The following SEC13 variants were observed in gnomAD, a reference collection of about 807,000 sequenced individuals.
SEC13 encodes the protein protein SEC13 homolog.
In SEC13, 25 loss-of-function variants were observed where a neutral mutation model predicts 49.2. That is an observed-to-expected ratio of 0.51 (90% confidence interval 0.37 to 0.71). The LOEUF is 0.71. Among genes scored for constraint, SEC13 ranks in the 30% least tolerant of loss-of-function variants. The pLI is 0.00. For synonymous variants in SEC13, 148 were observed against 163.9 expected (o/e 0.90, Z 0.74); for missense variants, 383 against 417.6 (o/e 0.92, Z 0.72).
intron 5 of SEC13, chr3:10,311,543 G>T: frequency 1.5e-6 from 1 of 655,590 alleles, no homozygotes; most frequent in Non-Finnish European, 1.9e-6. Flanking sequence ...GTCACTCGCT[G>T]ATTCACCAAA....
chr3:10,318,910 G>A (rs886303396), intron 1 of SEC13, among the ~76,000 whole-genome samples: 4 of 152,226 alleles, frequency 2.6e-5, no homozygotes, highest in African/African-American at 9.6e-5. Context: ...CCCACTAGAA[G>A]GTGAGCTCCT....
At chr3:10,306,860 C>G (rs1282518072) in intron 5 of SEC13, among the ~76,000 whole-genome samples, 2 of 152,184 alleles carry the variant, frequency 1.3e-5, no homozygotes, top group East Asian at 3.8e-4. Flanking sequence ...GTTTCCCCAG[C>G]TACGTGGAAC....
At chr3:10,316,791 C>T (rs1046377381) in intron 2 of SEC13, among the ~76,000 whole-genome samples, 6 of 152,214 alleles carry the variant, frequency 3.9e-5, no homozygotes, top group Non-Finnish European at 8.8e-5. Flanking sequence ...CACCTGAGGT[C>T]GGGAGTTCGA....
At chr3:10,305,218 A>C (rs531637038) in intron 6 of SEC13, 62 bp from the exon 7 acceptor site, 1 of 1,540,532 alleles carries the variant, frequency 6.5e-7, no homozygotes, top group Admixed American at 2.0e-5. Flanking sequence ...ACTCCTCCCC[A>C]ACCCAACAGG....
At chr3:10,311,932 T>G in intron 5 of SEC13, 33 bp downstream of exon 5, 3 of 1,614,062 alleles carry the variant, frequency 1.9e-6, no homozygotes, top group Non-Finnish European at 2.5e-6. Context: ...AGGCAGGCGC[T>G]CTCACTGCAC....
chr3:10,320,698 A>G, intron 1 of SEC13: 1 of 1,147,874 alleles, frequency 8.7e-7, no homozygotes, highest in Non-Finnish European at 1.1e-6. Context: ...CACCTTCTTC[A>G]CAAGGCTGTT....
Position 10,301,098 on chromosome 3 carries a change from C to G in SEC13, c.*163G>C. On this transcript the variant is annotated 3_prime_UTR_variant, in exon 9 of 9. Coordinates refer to ENST00000350697, the MANE Select transcript of SEC13 (RefSeq NM_183352.3). ...TGGACAGTAGATTACAAAGCATCTC[C>G]GATCACGTTAAGGCAGATGATCAAT... 1 of 1,612,956 alleles carries G rather than the reference C, an allele frequency of 6.2e-7. No homozygotes were observed. The highest frequency in any genetic ancestry group is 8.5e-7 in the Non-Finnish European group (1 of 1,179,826).
chr3:10,307,888 C>G (rs965512021), intron 5 of SEC13, among the ~76,000 whole-genome samples: 2 of 152,174 alleles, frequency 1.3e-5, no homozygotes, highest in Non-Finnish European at 2.9e-5. Context: ...CCTTTTAACC[C>G]TCATTTCGTC....
At position 10,304,157 on chromosome 3, in the gene SEC13, T is replaced by G. The variant is rs766338778; in HGVS notation, c.724A>C (p.Ile242Leu). 17 of 1,614,098 alleles carry G rather than the reference T, an allele frequency of 1.1e-5. No homozygotes were observed. In the South Asian group the frequency reaches 1.9e-4, roughly 18 times the overall value. ...ASCSQDGRVF[I>L]WTCDDASSNT... ...CTTGAGGCATCATCACAGGTCCAAA[T>G]GAACACACGACCATCCTAGGAAGAA... Residue 242 changes from isoleucine (I) to leucine (L), a missense_variant, in exon 8 of 9, where the codon ATT (isoleucine) becomes CTT (leucine). By Grantham distance (5) the Ile-to-Leu change is conservative. Coordinates refer to ENST00000350697, the MANE Select transcript of SEC13 (RefSeq NM_183352.3).
At chr3:10,319,325 G>A (rs770133725) in intron 1 of SEC13, 2 of 1,568,006 alleles carry the variant, frequency 1.3e-6, no homozygotes. Context: ...GTCTGCAAAG[G>A]CAAGTAAGGA....
chr3:10,301,921 A>T (rs1450285897), intron 8 of SEC13, among the ~76,000 whole-genome samples: 2 of 151,284 alleles, frequency 1.3e-5, no homozygotes, highest in Non-Finnish European at 2.9e-5. Flanking sequence ...TTGCCCCTGG[A>T]GAGAAAATTA....
chr3:10,318,026 A>G, intron 2 of SEC13, 24 bp downstream of exon 2: 1 of 1,551,484 alleles, frequency 6.4e-7, no homozygotes, highest in Non-Finnish European at 8.9e-7. Context: ...ACACCCCTCC[A>G]GGGAGGGTGA....
Position 10,300,972 on chromosome 3 carries a change from A to AC in SEC13, c.*288dup, listed in dbSNP as rs1054166867. ...TTTATTTAGTTCCTTTGGAAACAAAACCCCCCAAATAATGCCTGAACCCAA... is the reference window on the plus strand; with the variant it reads ...TTTATTTAGTTCCTTTGGAAACAAAACCCCCCCAAATAATGCCTGAACCCAA... On this transcript the variant is annotated 3_prime_UTR_variant, in exon 9 of 9. Coordinates refer to ENST00000350697, the MANE Select transcript of SEC13 (RefSeq NM_183352.3). 32 of 1,077,832 alleles carry AC rather than the reference A, an allele frequency of 3.0e-5. No homozygotes were observed. The Admixed American group carries it at 6.1e-4, about 21-fold the overall frequency. 66.8% of individuals were successfully genotyped at this position (1,077,832 alleles called of 1,614,324 possible). A position where few individuals can be genotyped will look rare whatever the true frequency, so the allele number is the denominator to read the frequency against.
Position 10,312,602 on chromosome 3 carries a change from T to C in SEC13, c.293A>G (p.Glu98Gly). The change falls in exon 4 of 9, where the codon GAG becomes GGG. Residue 98 changes from glutamate to glycine, a missense_variant. By Grantham distance (98) the Glu-to-Gly change is moderately conservative (BLOSUM62 -2). Transcript: ENST00000350697. ...ACCTGAGGAGTCGTGTCCCGCATGC[T>C]CGTGGCTCTTCTCCCAGGTGCCGTT... ...EENGTWEKSH[E>G]HAGHDSSVNS... The C allele has an allele frequency of 6.2e-7, 1 of 1,614,182 alleles. No homozygotes were observed. Among genetic ancestry groups the C allele is most frequent in the Non-Finnish European group, 8.5e-7 (1 of 1,180,026 alleles).
intron 8 of SEC13, among the ~76,000 whole-genome samples, chr3:10,303,307 A>G (rs950465390): frequency 6.6e-6 from 1 of 152,264 alleles, no homozygotes; most frequent in Non-Finnish European, 1.5e-5. Flanking sequence ...CAGCCACTCC[A>G]CGTGGAACTG....
chr3:10,310,669 A>G (rs573812884), intron 5 of SEC13, among the ~76,000 whole-genome samples: 2 of 152,312 alleles, frequency 1.3e-5, no homozygotes, highest in East Asian at 1.9e-4. Context: ...CAGTTTAGCA[A>G]TTCCTCAAAA....
intron 8 of SEC13, 142 bp downstream of exon 8, chr3:10,303,883 AC>A: frequency 1.3e-6 from 1 of 787,254 alleles, no homozygotes; most frequent in Non-Finnish European, 2.2e-6. Context: ...TAATGATGTA[AC>A]TAAGAGGCAC....
intron 2 of SEC13, among the ~76,000 whole-genome samples, chr3:10,316,680 G>T (rs1447017450): frequency 6.6e-6 from 1 of 152,204 alleles, no homozygotes; most frequent in East Asian, 1.9e-4. Context: ...TAAGGCTAAA[G>T]ATAGCATCTG....
Position 10,304,690 on chromosome 3 carries a change from G to A in SEC13, c.708+343C>T, listed in dbSNP as rs529134210. On this transcript the variant is annotated intron_variant, in intron 7 of 8. Coordinates refer to ENST00000350697, the MANE Select transcript of SEC13 (RefSeq NM_183352.3). The stretch of plus-strand genomic sequence containing the variant: ...GGGAAGGGTGGCTTGGTAGCTAAGC[G>A]TATAATTCCCATCCAACCCCATCGT... Among the ~76,000 whole-genome samples the A allele has an allele frequency of 3.3e-5, 5 of 152,306 alleles. No individual in the cohort carries two copies. The East Asian group carries it at 7.7e-4, about 24-fold the overall frequency.
Sources: gnomAD v4.1 joint callset for allele counts (sites outside exome capture counted in the v4.1 genomes callset) on GRCh38, gnomAD v4.1.1 for gene constraint, MANE v1.5 for transcripts, NCBI Gene and HGNC (gene_info 2026-07-23, HGNC 2026-07-21) for gene names.